MSN: variants seen among roughly 807,000 people sequenced by gnomAD.
MSN encodes the protein moesin.
In MSN, 2 loss-of-function variants were observed where a neutral mutation model predicts 48.0. The ratio of observed to expected loss-of-function variants is 0.04; its 90% confidence interval spans 0.02 to 0.13. MSN has a LOEUF of 0.13. Among genes scored for constraint, MSN ranks in the 10% least tolerant of loss-of-function variants. The pLI, the probability that MSN is intolerant of heterozygous loss-of-function variation, is 1.00. For missense variants in MSN, 267 were observed against 470.1 expected (o/e 0.57, Z 3.99); for synonymous variants, 146 against 166.9 (o/e 0.87, Z 0.97).
intron 1 of MSN, among the ~76,000 whole-genome samples, chrX:65,638,599 A>C (rs970156337): frequency 1.8e-5 from 2 of 112,429 alleles, no homozygotes; most frequent in Non-Finnish European, 3.8e-5. Flanking sequence ...TCCTTCACCC[A>C]GACTGAGTGC....
intron 1 of MSN, chrX:65,588,763 T>C (rs2070118612): frequency 2.8e-6 from 1 of 356,778 alleles, no homozygotes; most frequent in Admixed American, 8.7e-5. Flanking sequence ...TTGATCAGTG[T>C]AGGTGTTTTG....
intron 1 of MSN, among the ~76,000 whole-genome samples, chrX:65,630,324 A>T (rs1356224110): frequency 8.9e-6 from 1 of 112,006 alleles, no homozygotes; most frequent in Non-Finnish European, 1.9e-5. Context: ...TTATAATCCC[A>T]GCATTTTGGG....
At chrX:65,691,806 C>G (rs1050586167) in intron 1 of MSN, among the ~76,000 whole-genome samples, 14 of 112,022 alleles carry the variant, frequency 1.2e-4, no homozygotes, top group African/African-American at 4.2e-4. Context: ...GTTCCCGGCT[C>G]TTTTCTTTTT....
chrX:65,611,167 A>ATTT (rs570494964), intron 1 of MSN, among the ~76,000 whole-genome samples: 1 of 78,290 alleles, frequency 1.3e-5, no homozygotes, highest in African/African-American at 7.1e-5. Flanking sequence ...CTTTCTTTCT[A>ATTT]TTTTTTTTTT....
intron 1 of MSN, among the ~76,000 whole-genome samples, chrX:65,683,570 A>G (rs1444232406): frequency 9.0e-6 from 1 of 110,509 alleles, no homozygotes; most frequent in Non-Finnish European, 1.9e-5. Flanking sequence ...GGGTAGGGCC[A>G]GCATTTGAGA....
At chrX:65,603,080 C>T (rs2070250738) in intron 1 of MSN, among the ~76,000 whole-genome samples, 1 of 111,954 alleles carries the variant, frequency 8.9e-6, no homozygotes, top group African/African-American at 3.3e-5. Context: ...GATCACCTGA[C>T]ATCTGGAGTT....
At chrX:65,687,538 G>A (rs2147470682) in intron 1 of MSN, among the ~76,000 whole-genome samples, 1 of 111,792 alleles carries the variant, frequency 8.9e-6, no homozygotes, top group Non-Finnish European at 1.9e-5. Flanking sequence ...CTGTTGCTGA[G>A]TAATCCATAG....
At position 65,600,851 on chromosome X, in the gene MSN, C is replaced by T. The variant is rs924776589; in HGVS notation, c.-22+12239C>T. 8.1e-5 allele frequency: 9 copies of T among 111,753 alleles called. No individual in the cohort carries two copies. The East Asian group carries it at 2.5e-3, about 31-fold the overall frequency. 9.2% of individuals were successfully genotyped at this position (111,753 alleles called of 1,213,427 possible). On this transcript the variant is annotated intron_variant, in intron 1 of 3. Coordinates refer to the MSN transcript ENST00000609672. ...TATGGAGTCCACATAGGCTTAAGGT[C>T]TCTTACAGAATTTAGACCATTTTTT...
chrX:65,690,231 T>G (rs2071159423), intron 1 of MSN, among the ~76,000 whole-genome samples: 1 of 111,962 alleles, frequency 8.9e-6, no homozygotes, highest in East Asian at 2.8e-4. Flanking sequence ...TTGCTACATG[T>G]GACAAAACTG....
chrX:65,667,878 C>A, intron 1 of MSN, 25 bp downstream of exon 1: 2 of 1,201,149 alleles, frequency 1.7e-6, no homozygotes, highest in Non-Finnish European at 2.3e-6. Context: ...TGGGCGCTGT[C>A]GACCCCAATG....
chrX:65,736,800 T>TCTC lies in MSN; in HGVS notation c.965_966insCTC (p.Met322delinsIleSer). On this transcript the variant is annotated protein_altering_variant, in exon 9 of 13. Coordinates refer to ENST00000360270, the MANE Select transcript of MSN (RefSeq NM_002444.3). ...CATTTTATCTCCTTCCCTAGTGCTA[T>TCTC]GCTGGAAAATGAGAAGAAGAAGCGT... 8.6e-7 allele frequency: 1 copy of TCTC among 1,166,577 alleles called. No homozygotes were observed. Among genetic ancestry groups the TCTC allele is most frequent in the Non-Finnish European group, 1.1e-6 (1 of 872,430 alleles).
intron 3 of MSN, 22 bp downstream of exon 3, chrX:65,727,931 G>C (rs770938547): frequency 8.6e-7 from 1 of 1,160,912 alleles, no homozygotes; most frequent in East Asian, 3.0e-5. Context: ...TTCCTCTGTT[G>C]GATTTAGAAT....
chrX:65,620,021 G>A (rs887846178), intron 1 of MSN, among the ~76,000 whole-genome samples: 26 of 111,815 alleles, frequency 2.3e-4, no homozygotes, highest in Non-Finnish European at 4.7e-4. Flanking sequence ...AGGCTGCTCG[G>A]GGATCAGGGG....
At chrX:65,615,467 A>AT (rs1238281165) in intron 1 of MSN, among the ~76,000 whole-genome samples, 32 of 110,044 alleles carry the variant, frequency 2.9e-4, no homozygotes, top group African/African-American at 1.1e-3. Flanking sequence ...GATGGTGAGC[A>AT]TTTTTTCATG....
chrX:65,659,467 C>T (rs73629470), intron 1 of MSN, among the ~76,000 whole-genome samples: 1,548 of 112,241 alleles, frequency 0.014, 24 homozygotes, highest in African/African-American at 0.047. Context: ...CATAAATCAG[C>T]TTCATGCAGT....
At chrX:65,680,709 T>C (rs2071046163) in intron 1 of MSN, among the ~76,000 whole-genome samples, 1 of 111,489 alleles carries the variant, frequency 9.0e-6, no homozygotes, top group African/African-American at 3.3e-5. Flanking sequence ...CCCGTCCTTT[T>C]TCTTTTTTTC....
intron 1 of MSN, among the ~76,000 whole-genome samples, chrX:65,715,294 G>T (rs768947881): frequency 3.7e-4 from 41 of 111,783 alleles, no homozygotes; most frequent in Non-Finnish European, 6.2e-4. Context: ...GATTGCCATG[G>T]TTATTCAGGC....
intron 1 of MSN, among the ~76,000 whole-genome samples, chrX:65,714,876 C>A (rs765278009): frequency 2.7e-5 from 3 of 112,008 alleles, no homozygotes; most frequent in South Asian, 7.3e-4. Flanking sequence ...GTTATGAAAT[C>A]TTTGTCCATT....
At chrX:65,622,734 C>A (rs149364613) in intron 1 of MSN, among the ~76,000 whole-genome samples, 126 of 110,288 alleles carry the variant, frequency 1.1e-3, no homozygotes, top group African/African-American at 4.1e-3. Flanking sequence ...CCAGGCTGAT[C>A]TTGAACTCCT....
Sources: allele counts gnomAD v4.1 joint callset (sites outside exome capture counted in the v4.1 genomes callset), GRCh38; gene constraint gnomAD v4.1.1; transcripts MANE v1.5; gene names NCBI Gene and HGNC (gene_info 2026-07-23, HGNC 2026-07-21).